Variants in RFX1 observed in about 807,000 individuals in gnomAD.
RFX1 encodes regulatory factor X1, also known as MHC class II regulatory factor RFX1.
RFX1 carries 42 observed loss-of-function variants against 119.6 expected under a neutral mutation model. The ratio of observed to expected loss-of-function variants is 0.35; its 90% CI spans 0.27 to 0.45. RFX1 has a LOEUF of 0.45. Ranked by LOEUF, RFX1 falls within the 20% of genes least tolerant of loss-of-function variation. The pLI is 1.00. For missense variants in RFX1, 1,118 were observed against 1,368.1 expected (o/e 0.82, Z 2.88); for synonymous variants, 628 against 618.5 (o/e 1.02, Z -0.23).
intron 19 of RFX1, 35 bp downstream of exon 19, chr19:13,963,087 C>T (rs1973764119): frequency 3.1e-6 from 5 of 1,606,084 alleles, no homozygotes; most frequent in Non-Finnish European, 4.3e-6. Context: ...CCGCCTGGCG[C>T]CCCGCCCGCG....
chr19:13,966,455 G>C lies in RFX1; in HGVS notation c.1927C>G (p.Leu643Val), dbSNP rs144971619. The C allele has an allele frequency of 2.3e-4, 369 of 1,610,870 alleles. No individual in the cohort carries two copies. The highest frequency in any genetic ancestry group is 2.9e-4 in the Non-Finnish European group (341 of 1,178,868). The change falls in exon 14 of 21, where the codon CTC (leucine) becomes GTC (valine). Residue 643 changes from leucine (L) to valine (V), a missense_variant. By Grantham distance (32) the Leu-to-Val change is conservative (BLOSUM62 1). Around this residue, in one of 5 missense-constraint regions of RFX1, gnomAD observed 338 missense variants for 508.9 expected, o/e 0.66. Transcript: ENST00000254325. The surrounding 1 kb of genome is among the most constrained non-coding windows in gnomAD (Gnocchi z 6.3). ...GGTGGCGCCTCACTGGGCTGGCTGA[G>C]GTTGTACCTCCAGAAGGTCTTCCAC... ...TLWKTFWRYN[L>V]SQPSEAPPLA...
chr19:13,977,680 G>T (rs1220499143), intron 8 of RFX1, among the ~76,000 whole-genome samples: 1 of 151,258 alleles, frequency 6.6e-6, no homozygotes, highest in African/African-American at 2.4e-5. Flanking sequence ...GCCTCCCAAA[G>T]TGCTGGGATT....
intron 18 of RFX1, 116 bp downstream of exon 18, chr19:13,963,422 C>A: frequency 7.1e-7 from 1 of 1,412,612 alleles, no homozygotes; most frequent in South Asian, 1.3e-5. Flanking sequence ...GAGCCCAGGG[C>A]CCCAGCCTGC....
chr19:13,993,772 T>C lies in RFX1; in HGVS notation c.72A>G (p.Gln24=), dbSNP rs754939616. ...GTGGCGGTGGCGGCTGGGGCTGGGC[T>C]TGTGGCGGGGCCTGTGGCGGCTGGG... ...PPSQPPQAPP[Q]AQPQPPPPPP... The change falls in exon 2 of 21, where the codon CAA becomes CAG. Residue 24 remains glutamine, a synonymous_variant. Coordinates refer to ENST00000254325, the MANE Select transcript of RFX1 (RefSeq NM_002918.5). The C allele has an allele frequency of 3.1e-6, 5 of 1,600,266 alleles. No individual in the cohort carries two copies. In the South Asian group the frequency reaches 5.6e-5, roughly 18 times the overall value.
rs1331807080 is a variant in RFX1, at chr19:13,988,080, G to A, written c.320-4485C>T. Reference sequence around the variant, plus strand: ...CTTGCTCTGTTACTCAGGCTGGAGCGCAATGACATGATCTCGACTCACTGC... The same window carrying A: ...CTTGCTCTGTTACTCAGGCTGGAGCACAATGACATGATCTCGACTCACTGC... On this transcript the variant is annotated intron_variant, in intron 2 of 20. Coordinates refer to ENST00000254325, the MANE Select transcript of RFX1 (RefSeq NM_002918.5). Among the ~76,000 whole-genome samples, 7 of 148,790 alleles carry A rather than the reference G, an allele frequency of 4.7e-5. 1 individual carries two copies. In the South Asian group the frequency reaches 6.4e-4, roughly 14 times the overall value.
rs756915561 is a variant in RFX1 at position 13,970,010 on chromosome 19, G to A, written c.1480C>T (p.Arg494Cys). 3 of 1,611,818 alleles carry A rather than the reference G, an allele frequency of 1.9e-6. No homozygotes were observed. Among genetic ancestry groups the A allele is most frequent in the African/African-American group, 1.3e-5 (1 of 75,014 alleles). The change falls in exon 10 of 21, where the codon CGC becomes TGC. Residue 494 changes from arginine to cysteine, a missense_variant. Around this residue, in one of 5 missense-constraint regions of RFX1, gnomAD observed 338 missense variants for 508.9 expected, o/e 0.66. Coordinates refer to ENST00000254325, the MANE Select transcript of RFX1 (RefSeq NM_002918.5). ...TGGCCCTACCTGGTGCCCAGACGGC[G>A]GGTTCGCAGGCCCATGAAGACGGAG... ...IRSVFMGLRT[R>C]RLGTRGNSKY...
At chr19:13,993,354 T>C (rs1035803234) in intron 2 of RFX1, among the ~76,000 whole-genome samples, 171 bp downstream of exon 2, 1 of 152,014 alleles carries the variant, frequency 6.6e-6, no homozygotes, top group South Asian at 2.1e-4. Context: ...GGAAGGAGTT[T>C]GGGGGGACAG....
At chr19:13,997,974 A>T (rs1975091480) in intron 1 of RFX1, 1 of 152,176 alleles carries the variant, frequency 6.6e-6, no homozygotes, top group African/African-American at 2.4e-5. Context: ...AGAGGGGTGG[A>T]GGTTCCTCAC....
In RFX1 at chr19:13,969,300, G is replaced by A. The variant is rs532421321; in HGVS notation, c.1497-406C>T. On this transcript the variant is annotated intron_variant, in intron 10 of 20. Coordinates refer to ENST00000254325, the MANE Select transcript of RFX1 (RefSeq NM_002918.5). This position sits in a 1 kb window ranked among gnomAD's most constrained non-coding sequence, Gnocchi z 4.5. ...TGAAGCACTGACTAGGTACAACCCC[G>A]CGTCATCGAGGTACGAGCACTGCAG... Among the ~76,000 whole-genome samples, 5 of 152,212 alleles carry A rather than the reference G, an allele frequency of 3.3e-5. No homozygotes were observed. The highest frequency in any genetic ancestry group is 1.9e-4 in the East Asian group (1 of 5,174).
Position 13,982,226 on chromosome 19 carries a change from A to C in RFX1, c.516T>G (p.Ala172=). The C allele has an allele frequency of 7.6e-7, 1 of 1,310,106 alleles. No individual in the cohort carries two copies. The highest frequency in any genetic ancestry group is 9.8e-7 in the Non-Finnish European group (1 of 1,020,420). The allele number at this position is 1,310,106 out of a possible 1,614,324, so 81.2% of individuals were successfully genotyped here. The change falls in exon 5 of 21, where the codon GCT becomes GCG. Residue 172 remains alanine (A), a splice_region_variant and synonymous_variant. Transcript: ENST00000254325. The part of the protein sequence containing the change: ...QLTNIQVPQQ[A]LPTQRLVVQS... ...GCACCACCAGACGCTGCGTGGGAAGAGCCTGGGGCCAGGGAGGGAGAGGGA... is the reference window on the plus strand; with the variant it reads ...GCACCACCAGACGCTGCGTGGGAAGCGCCTGGGGCCAGGGAGGGAGAGGGA...
rs57139453 is a variant in RFX1, at chr19:13,990,837, C to G, written c.319+2688G>C. 0.064 allele frequency among the ~76,000 whole-genome samples: 9,635 copies of G among 150,754 alleles called. 1,047 individuals are homozygous for G. Among genetic ancestry groups the G allele is most frequent in the African/African-American group, 0.22 (8,915 of 41,048 alleles). On this transcript the variant is annotated intron_variant, in intron 2 of 20. Transcript: ENST00000254325. The surrounding 1 kb of genome is among the most constrained non-coding windows in gnomAD (Gnocchi z 4.1). Reference sequence around the variant, plus strand: ...GTCTCAAAGAAAAAAAAAAAAATTACCTGGGTGTGGTGGCACATGCCTATA... The same window carrying G: ...GTCTCAAAGAAAAAAAAAAAAATTAGCTGGGTGTGGTGGCACATGCCTATA...
Position 13,972,886 on chromosome 19 carries a change from C to T in RFX1, c.1171G>A (p.Gly391Ser), listed in dbSNP as rs774466383. Reference protein sequence around the residue: ...GGGGSGGGGGGGGGGGGGGSG... With the variant: ...GGGGSGGGGGSGGGGGGGGSG... ...CCACCCCCGCCACCGCCTCCCCCGC[C>T]GCCGCCGCCACCACCACTGCCACCA... The change falls in exon 9 of 21, where the codon GGC becomes AGC. Residue 391 changes from glycine to serine, a missense_variant. By Grantham distance (56) the Gly-to-Ser change is moderately conservative. Coordinates refer to ENST00000254325, the MANE Select transcript of RFX1 (RefSeq NM_002918.5). 30 of 1,568,186 alleles carry T rather than the reference C, an allele frequency of 1.9e-5. No individual in the cohort carries two copies. The highest frequency in any genetic ancestry group is 2.2e-4 in the Middle Eastern group (1 of 4,470).
rs377482419 is a variant in RFX1, at chr19:13,983,314, G to C, written c.430-44C>G. Reference sequence around the variant, plus strand: ...AGGAGCTGAGCTGCCACTTCCCCCAGGGAGGCCTGGCGTGGTTGGGTGGCG... The same window carrying C: ...AGGAGCTGAGCTGCCACTTCCCCCACGGAGGCCTGGCGTGGTTGGGTGGCG... On this transcript the variant is annotated intron_variant, in intron 3 of 20. Coordinates refer to ENST00000254325, the MANE Select transcript of RFX1 (RefSeq NM_002918.5). 6.0e-6 allele frequency: 9 copies of C among 1,492,232 alleles called. No individual in the cohort carries two copies. In the African/African-American group the frequency reaches 1.2e-4, roughly 21 times the overall value. The allele number at this position is 1,492,232 out of a possible 1,614,324, so 92.4% of individuals were successfully genotyped here. A position where few individuals can be genotyped will look rare whatever the true frequency, so the allele number is the denominator to read the frequency against.
rs762772876 is a variant in RFX1 at position 13,961,613 on chromosome 19, C to T, written c.*1082G>A. On this transcript the variant is annotated 3_prime_UTR_variant, in exon 21 of 21. Coordinates refer to ENST00000254325, the MANE Select transcript of RFX1 (RefSeq NM_002918.5). Reference sequence around the variant, plus strand: ...CAGCTCGGCACACTAGACTACCACACGTGTGGACACTTTCACCACCGGGAG... The same window carrying T: ...CAGCTCGGCACACTAGACTACCACATGTGTGGACACTTTCACCACCGGGAG... 38 of 153,588 alleles carry T rather than the reference C, an allele frequency of 2.5e-4. No individual in the cohort carries two copies. Among genetic ancestry groups the T allele is most frequent in the Admixed American group, 1.9e-4 (3 of 15,574 alleles). 9.5% of individuals were successfully genotyped at this position (153,588 alleles called of 1,614,324 possible).
chr19:13,998,475 G>C (rs1975109268), intron 1 of RFX1, among the ~76,000 whole-genome samples: 1 of 150,852 alleles, frequency 6.6e-6, no homozygotes, highest in Admixed American at 6.6e-5. Flanking sequence ...CTGGGTGACA[G>C]AGCAAGACTC....
At position 13,973,054 on chromosome 19, in the gene RFX1, C is replaced by A. The variant is rs753483809; in HGVS notation, c.1003G>T (p.Ala335Ser). 6.2e-7 allele frequency: 1 copy of A among 1,601,782 alleles called. No individual in the cohort carries two copies. The highest frequency in any genetic ancestry group is 1.1e-5 in the South Asian group (1 of 91,066). Residue 335 changes from alanine (A) to serine (S), a missense_variant, in exon 9 of 21, where the codon GCA becomes TCA. Physicochemically the swap from Ala to Ser is moderately conservative, Grantham distance 99. Coordinates refer to ENST00000254325, the MANE Select transcript of RFX1 (RefSeq NM_002918.5). ...GTGCTGACCTGGGTGGCCGTGCCTG[C>A]GGCCTCGTAGTAGCTGGTGCTTGCC... ...QTASTSYYEAAGTATQVSTPA... is the reference protein window; with the variant it reads ...QTASTSYYEASGTATQVSTPA...
intron 2 of RFX1, among the ~76,000 whole-genome samples, chr19:13,987,202 C>G (rs1445128648): frequency 6.6e-6 from 1 of 152,158 alleles, no homozygotes; most frequent in Non-Finnish European, 1.5e-5. Context: ...GAGTGGCTGC[C>G]AGAGCCCACA....
rs75550028 is a variant in RFX1 at position 13,986,637 on chromosome 19, G to A, written c.320-3042C>T. ...TGCCGGAGATCGCCACTCTGGGCAT[G>A]CGCAGGAGGCCAGGGAGGCCCCCAC... On this transcript the variant is annotated intron_variant, in intron 2 of 20. Coordinates refer to ENST00000254325, the MANE Select transcript of RFX1 (RefSeq NM_002918.5). This position sits in a 1 kb window ranked among gnomAD's most constrained non-coding sequence, Gnocchi z 4.2. 3.6e-3 allele frequency among the ~76,000 whole-genome samples: 555 copies of A among 152,284 alleles called. 5 individuals are homozygous for A. The highest frequency in any genetic ancestry group is 0.013 in the African/African-American group (525 of 41,546).
intron 1 of RFX1, among the ~76,000 whole-genome samples, chr19:14,000,323 T>C (rs1362462334): frequency 6.6e-6 from 1 of 152,044 alleles, no homozygotes; most frequent in Admixed American, 6.6e-5. Context: ...CCGTCTCTAC[T>C]AAAAATACAA....
Sources: gnomAD v4.1 joint callset for allele counts (sites outside exome capture counted in the v4.1 genomes callset) on GRCh38, gnomAD v4.1.1 for gene constraint, gnomAD v4.1.1 regional missense constraint, Gnocchi (gnomAD v3.1) non-coding constraint, MANE v1.5 for transcripts, NCBI Gene and HGNC (gene_info 2026-07-23, HGNC 2026-07-21) for gene names.